KDM4C: variants seen among roughly 807,000 people sequenced by gnomAD.
KDM4C encodes lysine demethylase 4C, also known as lysine-specific demethylase 4C.
In KDM4C, 81 loss-of-function variants were observed where a neutral mutation model predicts 129.3. The ratio of observed to expected loss-of-function variants is 0.63; its 90% CI spans 0.52 to 0.75. The LOEUF (loss-of-function observed/expected upper bound fraction) is 0.75, where lower values mean the gene tolerates loss of function less well. KDM4C is among the 30% of genes least tolerant of loss of function. KDM4C has a pLI of 0.00. For synonymous variants in KDM4C, 573 were observed against 456.1 expected (o/e 1.26, Z -3.26); for missense variants, 1,457 against 1,304.0 (o/e 1.12, Z -1.81).
At chr9:6,811,729 A>T (rs1376811071) in intron 3 of KDM4C, among the ~76,000 whole-genome samples, 2 of 152,178 alleles carry the variant, frequency 1.3e-5, no homozygotes, top group Non-Finnish European at 2.9e-5. Flanking sequence ...AGAATAACTG[A>T]GTTCCAGAGA....
At chr9:7,090,068 C>T (rs1835617895) in intron 17 of KDM4C, among the ~76,000 whole-genome samples, 2 of 152,332 alleles carry the variant, frequency 1.3e-5, no homozygotes, top group African/African-American at 4.8e-5. Flanking sequence ...TGCTTGAAAC[C>T]CCCAGCCCTT....
At chr9:6,794,176 G>A (rs1827287345) in intron 2 of KDM4C, among the ~76,000 whole-genome samples, 1 of 152,226 alleles carries the variant, frequency 6.6e-6, no homozygotes, top group Admixed American at 6.5e-5. Context: ...TATGCCAGGT[G>A]CTAGAGGTAG....
chr9:6,766,728 C>T (rs115471919), intron 1 of KDM4C, among the ~76,000 whole-genome samples: 2 of 151,384 alleles, frequency 1.3e-5, no homozygotes, highest in African/African-American at 4.9e-5. Context: ...TTTTTGGTGA[C>T]AGGTAGGCAG....
At chr9:6,942,860 T>C (rs2131411684) in intron 8 of KDM4C, among the ~76,000 whole-genome samples, 1 of 152,192 alleles carries the variant, frequency 6.6e-6, no homozygotes, top group Admixed American at 6.5e-5. Context: ...GTTACCTCTG[T>C]GATCAAATTT....
intron 8 of KDM4C, among the ~76,000 whole-genome samples, chr9:6,916,583 T>C (rs1224648654): frequency 1.3e-5 from 2 of 152,202 alleles, no homozygotes; most frequent in African/African-American, 4.8e-5. Context: ...ATTGGCTAAT[T>C]CGTTTGACCA....
intron 15 of KDM4C, 139 bp from the exon 16 acceptor site, chr9:7,046,723 C>T: frequency 1.5e-6 from 1 of 680,566 alleles, no homozygotes; most frequent in Non-Finnish European, 2.6e-6. Flanking sequence ...TTGAACTTCT[C>T]AGAGATAGAC....
Position 7,011,864 on chromosome 9 carries a change from C to T in KDM4C, c.1953C>T (p.Leu651=), listed in dbSNP as rs1480856505. 1.2e-6 allele frequency: 2 copies of T among 1,613,462 alleles called. No individual in the cohort carries two copies. The highest frequency in any genetic ancestry group is 2.2e-5 in the South Asian group (2 of 91,030). Residue 651 remains leucine (L), a synonymous_variant, in exon 13 of 22, where the codon CTC becomes CTT. Coordinates refer to ENST00000381309, the MANE Select transcript of KDM4C (RefSeq NM_015061.6). ...CACACTGTGCCATCTGCACTCTGCT[C>T]ATGCCGTACCACAAGGTAAAGGAGC... ...MKPHCAICTL[L]MPYHKPDSSN...
chr9:6,926,406 C>G (rs1390081640), intron 8 of KDM4C, among the ~76,000 whole-genome samples: 1 of 144,434 alleles, frequency 6.9e-6, no homozygotes, highest in Non-Finnish European at 1.5e-5. Context: ...AAAGTGGAAT[C>G]TTTGTTCTGT....
intron 8 of KDM4C, among the ~76,000 whole-genome samples, chr9:6,972,958 C>T (rs567201134): frequency 6.6e-6 from 1 of 152,210 alleles, no homozygotes; most frequent in African/African-American, 2.4e-5. Context: ...CTTTTGTCCA[C>T]TTTAAATCAT....
chr9:6,744,564 T>G (rs1000932712), intron 1 of KDM4C, among the ~76,000 whole-genome samples: 1 of 152,122 alleles, frequency 6.6e-6, no homozygotes, highest in Non-Finnish European at 1.5e-5. Context: ...GCTTAATTTT[T>G]AAAAATATTT....
chr9:6,816,712 C>T (rs1832166528), intron 4 of KDM4C, among the ~76,000 whole-genome samples: 1 of 152,142 alleles, frequency 6.6e-6, no homozygotes, highest in Admixed American at 6.5e-5. Flanking sequence ...TAATTTTAGC[C>T]ACTCTGTTGG....
At chr9:6,964,197 A>G (rs1020568940) in intron 8 of KDM4C, among the ~76,000 whole-genome samples, 2 of 152,086 alleles carry the variant, frequency 1.3e-5, no homozygotes, top group Non-Finnish European at 2.9e-5. Context: ...CCATTAACTC[A>G]TCATTTACAT....
At chr9:6,815,876 T>C (rs1588466691) in intron 4 of KDM4C, among the ~76,000 whole-genome samples, 1 of 152,348 alleles carries the variant, frequency 6.6e-6, no homozygotes, top group Non-Finnish European at 1.5e-5. Flanking sequence ...TTTCTTTGTG[T>C]CTCTTTATCT....
intron 8 of KDM4C, among the ~76,000 whole-genome samples, chr9:6,896,509 T>A (rs1319785636): frequency 1.3e-5 from 2 of 151,404 alleles, no homozygotes; most frequent in African/African-American, 4.8e-5. Context: ...TTTTGTGTAA[T>A]ACAAACCAGT....
intron 1 of KDM4C, among the ~76,000 whole-genome samples, chr9:6,785,932 G>C (rs991369871): frequency 4.6e-5 from 7 of 152,212 alleles, no homozygotes; most frequent in African/African-American, 1.7e-4. Flanking sequence ...GTAGGGCCCA[G>C]AATCCTTCTT....
At chr9:7,063,676 C>T (rs762064924) in intron 17 of KDM4C, among the ~76,000 whole-genome samples, 2 of 152,102 alleles carry the variant, frequency 1.3e-5, no homozygotes, top group Non-Finnish European at 2.9e-5. Context: ...TGTAAAAATG[C>T]AAAATGTAGT....
chr9:7,111,479 C>T (rs1311818535), intron 18 of KDM4C, among the ~76,000 whole-genome samples: 2 of 151,644 alleles, frequency 1.3e-5, no homozygotes, highest in African/African-American at 4.8e-5. Context: ...TTTTTTTTAA[C>T]AGATGAGGAA....
At chr9:6,999,983 A>G (rs1820438234) in intron 12 of KDM4C, among the ~76,000 whole-genome samples, 2 of 152,252 alleles carry the variant, frequency 1.3e-5, no homozygotes, top group Non-Finnish European at 2.9e-5. Flanking sequence ...TGTTTAAGCA[A>G]TAAAACAGCA....
At chr9:6,782,288 G>T (rs1051502030) in intron 1 of KDM4C, among the ~76,000 whole-genome samples, 1 of 152,206 alleles carries the variant, frequency 6.6e-6, no homozygotes, top group Non-Finnish European at 1.5e-5. Context: ...GTAAGATAAA[G>T]TTGAAAGATG....
Sources: allele counts gnomAD v4.1 joint callset (sites outside exome capture counted in the v4.1 genomes callset), GRCh38; gene constraint gnomAD v4.1.1; transcripts MANE v1.5; gene names NCBI Gene and HGNC (gene_info 2026-07-23, HGNC 2026-07-21).